Variants in ST3GAL3 observed in about 807,000 individuals in gnomAD.
The protein encoded by ST3GAL3 is ST3 beta-galactoside alpha-2,3-sialyltransferase 3.
A neutral mutation model predicts 50.1 loss-of-function variants in ST3GAL3; 21 were observed. That is an observed-to-expected ratio of 0.42 (90% CI 0.30 to 0.60). The LOEUF (loss-of-function observed/expected upper bound fraction) is 0.60, where lower values mean the gene tolerates loss of function less well. ST3GAL3 is among the 20% of genes least tolerant of loss of function. The probability of loss-of-function intolerance (pLI) is 0.19; values close to 1 mark genes in which losing one functional copy is unlikely to be tolerated. For missense variants in ST3GAL3, 353 were observed against 489.4 expected (o/e 0.72, Z 2.63); for synonymous variants, 183 against 190.0 (o/e 0.96, Z 0.30).
chr1:43,793,359 G>A (rs1309459860), intron 3 of ST3GAL3, among the ~76,000 whole-genome samples: 3 of 151,878 alleles, frequency 2.0e-5, no homozygotes, highest in Non-Finnish European at 2.9e-5. Context: ...AAGCATTTAC[G>A]GTTTATTTGT....
intron 4 of ST3GAL3, among the ~76,000 whole-genome samples, chr1:43,817,631 TCCTC>T (rs1490226350): frequency 3.9e-5 from 5 of 127,588 alleles, no homozygotes; most frequent in Admixed American, 1.5e-4. Flanking sequence ...TCCTCCCTTC[TCCTC>T]CTCCTTCTCC....
chr1:43,752,475 C>T (rs1686536091), intron 2 of ST3GAL3, among the ~76,000 whole-genome samples: 1 of 152,148 alleles, frequency 6.6e-6, no homozygotes, highest in Non-Finnish European at 1.5e-5. Context: ...TTCCTTGGCT[C>T]TTCTTCCTCA....
intron 4 of ST3GAL3, among the ~76,000 whole-genome samples, chr1:43,816,640 T>A (rs1207276375): frequency 1.3e-5 from 2 of 152,196 alleles, no homozygotes; most frequent in African/African-American, 4.8e-5. Context: ...GTATTTAAAC[T>A]GTCTTCAGCA....
intron 4 of ST3GAL3, among the ~76,000 whole-genome samples, chr1:43,817,896 T>G (rs1212669665): frequency 6.6e-6 from 1 of 151,490 alleles, no homozygotes; most frequent in African/African-American, 2.4e-5. Flanking sequence ...CTTTCTTCTT[T>G]CTTTTTTCTT....
rs1679061758 is a variant in ST3GAL3, at chr1:43,737,641, T to G, written c.118+1261T>G. The G allele has an allele frequency of 6.6e-6, 1 of 152,318 alleles. No individual in the cohort carries two copies. The highest frequency in any genetic ancestry group is 2.4e-5 in the African/African-American group (1 of 41,580). The allele number at this position is 152,318 out of a possible 1,614,324, so 9.4% of individuals were successfully genotyped here. On this transcript the variant is annotated intron_variant, in intron 2 of 11. Coordinates refer to ENST00000347631, the MANE Select transcript of ST3GAL3 (RefSeq NM_006279.5). This position sits in a 1 kb window ranked among gnomAD's most constrained non-coding sequence, Gnocchi z 4.0. Reference sequence around the variant, plus strand: ...GAGACTACCCAGGATAAGGAGTGTTTGTATCAGTGAAATGCAGAATTCTGT... The same window carrying G: ...GAGACTACCCAGGATAAGGAGTGTTGGTATCAGTGAAATGCAGAATTCTGT...
At chr1:43,889,203 T>TACAC (rs59739550) in intron 5 of ST3GAL3, among the ~76,000 whole-genome samples, 16,529 of 147,708 alleles carry the variant, frequency 0.11, 927 homozygotes, top group African/African-American at 0.14. Flanking sequence ...GGAACAGGAA[T>TACAC]ACACACACAC....
intron 4 of ST3GAL3, among the ~76,000 whole-genome samples, chr1:43,827,318 G>A (rs763373706): frequency 2.0e-5 from 3 of 151,958 alleles, no homozygotes; most frequent in Non-Finnish European, 2.9e-5. Context: ...TTTAAAACAC[G>A]GTGTCATTTA....
At chr1:43,745,089 T>A (rs955176266) in intron 2 of ST3GAL3, among the ~76,000 whole-genome samples, 1 of 152,102 alleles carries the variant, frequency 6.6e-6, no homozygotes, top group African/African-American at 2.4e-5. Flanking sequence ...GAGTTTGAAA[T>A]CAGCCTGGCC....
At chr1:43,833,968 C>T (rs914952399) in intron 4 of ST3GAL3, among the ~76,000 whole-genome samples, 1 of 152,190 alleles carries the variant, frequency 6.6e-6, no homozygotes, top group Non-Finnish European at 1.5e-5. Context: ...CTCCCCCAAC[C>T]TGGCCAACAT....
chr1:43,828,034 G>A (rs371303248), intron 4 of ST3GAL3, among the ~76,000 whole-genome samples: 59 of 152,296 alleles, frequency 3.9e-4, no homozygotes, highest in South Asian at 2.9e-3. Context: ...TCAAGATAGC[G>A]TAGTATTGGC....
intron 4 of ST3GAL3, among the ~76,000 whole-genome samples, chr1:43,820,908 G>A (rs149901548): frequency 1.2e-3 from 183 of 152,310 alleles, no homozygotes; most frequent in African/African-American, 4.3e-3. Context: ...TTAAAGTGGT[G>A]ACAATAGTAA....
chr1:43,781,116 A>G (rs901371457), intron 2 of ST3GAL3, among the ~76,000 whole-genome samples: 9 of 152,110 alleles, frequency 5.9e-5, no homozygotes, highest in South Asian at 2.1e-4. Context: ...GCTGACTTCC[A>G]CTTGTCTACT....
chr1:43,792,349 T>C (rs540831102), intron 3 of ST3GAL3, among the ~76,000 whole-genome samples, 200 bp downstream of exon 3: 1 of 128,346 alleles, frequency 7.8e-6, no homozygotes, highest in Admixed American at 7.4e-5. Flanking sequence ...CCAGTTACTT[T>C]AAAAGTGCAC....
At chr1:43,786,751 T>C (rs1446208532) in intron 2 of ST3GAL3, among the ~76,000 whole-genome samples, 4 of 152,254 alleles carry the variant, frequency 2.6e-5, no homozygotes, top group African/African-American at 9.6e-5. Flanking sequence ...TAGTGTGTCG[T>C]AGTTTCTCAG....
At chr1:43,744,687 T>A (rs927265260) in intron 2 of ST3GAL3, among the ~76,000 whole-genome samples, 2 of 135,434 alleles carry the variant, frequency 1.5e-5, no homozygotes, top group African/African-American at 5.5e-5. Context: ...AATAAATAAA[T>A]AAAATAAAAT....
chr1:43,787,871 A>G (rs369733528), intron 2 of ST3GAL3, among the ~76,000 whole-genome samples: 199 of 152,356 alleles, frequency 1.3e-3, no homozygotes, highest in African/African-American at 4.6e-3. Context: ...CAGTCCATTT[A>G]GACTGATATT....
At chr1:43,917,459 TATATATAATATATA>T (rs1234775319) in intron 9 of ST3GAL3, among the ~76,000 whole-genome samples, 12 of 21,522 alleles carry the variant, frequency 5.6e-4, no homozygotes, top group Non-Finnish European at 3.1e-3. Context: ...TAATATATAA[TATATATAATATATA>T]ATATATATAA....
chr1:43,846,668 T>C (rs1399338681), intron 5 of ST3GAL3, among the ~76,000 whole-genome samples: 1 of 152,140 alleles, frequency 6.6e-6, no homozygotes, highest in African/African-American at 2.4e-5. Flanking sequence ...CCAGCTAATT[T>C]TTGTATTTTT....
intron 2 of ST3GAL3, among the ~76,000 whole-genome samples, chr1:43,757,596 A>G (rs1452866565): frequency 2.0e-5 from 3 of 152,204 alleles, no homozygotes; most frequent in Admixed American, 6.6e-5. Flanking sequence ...ACAAAAACAA[A>G]CAAAAGAACA....
Sources: allele counts gnomAD v4.1 joint callset (sites outside exome capture counted in the v4.1 genomes callset), GRCh38; gene constraint gnomAD v4.1.1; non-coding constraint Gnocchi (gnomAD v3.1); transcripts MANE v1.5; gene names NCBI Gene and HGNC (gene_info 2026-07-23, HGNC 2026-07-21).